Variants in PAWR observed in about 807,000 individuals in gnomAD.
The protein encoded by PAWR is PRKC apoptosis WT1 regulator protein.
Under a neutral mutation model 32.0 loss-of-function variants are expected in PAWR, and 23 were observed. The ratio of observed to expected loss-of-function variants is 0.72; its 90% CI spans 0.52 to 1.02. PAWR has a LOEUF of 1.02. Ranked by LOEUF, PAWR falls within the 50% of genes least tolerant of loss-of-function variation. PAWR has a pLI of 0.00. For synonymous variants in PAWR, 226 were observed against 187.1 expected (o/e 1.21, Z -1.70); for missense variants, 457 against 437.7 (o/e 1.04, Z -0.39).
rs145358994 is a variant in PAWR at position 79,665,679 on chromosome 12, T to C, written c.516+24050A>G. Among the ~76,000 whole-genome samples the C allele has an allele frequency of 4.1e-3, 630 of 152,340 alleles. 12 individuals carry two copies. The highest frequency in any genetic ancestry group is 0.014 in the African/African-American group (594 of 41,586). On this transcript the variant is annotated intron_variant, in intron 2 of 6. Transcript: ENST00000328827. ...ACCTATTACTTACACTACTCTGATA[T>C]ACATCTCCTCTCTCCAGACTTCATT...
intron 2 of PAWR, among the ~76,000 whole-genome samples, chr12:79,628,734 T>C (rs1456887288): frequency 6.6e-6 from 1 of 152,102 alleles, no homozygotes; most frequent in East Asian, 1.9e-4. Flanking sequence ...GGTCAATACA[T>C]GAATAAATAT....
At chr12:79,601,100 A>T (rs1873944315) in intron 4 of PAWR, among the ~76,000 whole-genome samples, 1 of 152,124 alleles carries the variant, frequency 6.6e-6, no homozygotes, top group Non-Finnish European at 1.5e-5. Flanking sequence ...AAAAACCTAT[A>T]AATTGTGGCC....
At chr12:79,616,023 C>T (rs1279789227) in intron 3 of PAWR, among the ~76,000 whole-genome samples, 1 of 147,932 alleles carries the variant, frequency 6.8e-6, no homozygotes, top group Non-Finnish European at 1.5e-5. Flanking sequence ...CACTACTATA[C>T]TCCAGCCTGT....
At chr12:79,622,260 T>C (rs1002114427) in intron 2 of PAWR, among the ~76,000 whole-genome samples, 1 of 152,116 alleles carries the variant, frequency 6.6e-6, no homozygotes, top group Non-Finnish European at 1.5e-5. Context: ...AGGTCTACAA[T>C]GGAGGACATG....
At chr12:79,632,348 T>TACAAA (rs1875732104) in intron 2 of PAWR, among the ~76,000 whole-genome samples, 14 of 67,330 alleles carry the variant, frequency 2.1e-4, no homozygotes, top group Non-Finnish European at 3.0e-4. Context: ...TATATATATA[T>TACAAA]ATATATATAT....
At chr12:79,685,681 G>GT (rs1176913597) in intron 2 of PAWR, among the ~76,000 whole-genome samples, 1 of 152,092 alleles carries the variant, frequency 6.6e-6, no homozygotes, top group African/African-American at 2.4e-5. Flanking sequence ...CACTCTATAG[G>GT]TTAGAGGGTC....
At chr12:79,641,193 A>G (rs1347634071) in intron 2 of PAWR, among the ~76,000 whole-genome samples, 1 of 152,230 alleles carries the variant, frequency 6.6e-6, no homozygotes, top group Non-Finnish European at 1.5e-5. Context: ...AACACTATTC[A>G]TTAACTCAAA....
intron 2 of PAWR, among the ~76,000 whole-genome samples, chr12:79,622,930 A>G (rs567437740): frequency 6.4e-4 from 98 of 152,288 alleles, no homozygotes; most frequent in Admixed American, 2.7e-3. Context: ...AGGACTCGAA[A>G]GGCATAGAGG....
At chr12:79,619,575 T>C (rs749974182) in intron 3 of PAWR, among the ~76,000 whole-genome samples, 2 of 152,184 alleles carry the variant, frequency 1.3e-5, no homozygotes, top group African/African-American at 4.8e-5. Context: ...CAGGCATCCA[T>C]TGGAGGTCTT....
chr12:79,690,470 G>T, intron 1 of PAWR, 79 bp from the exon 2 acceptor site: 1 of 876,428 alleles, frequency 1.1e-6, no homozygotes, highest in Non-Finnish European at 1.5e-6. Flanking sequence ...CCCGGGCTGC[G>T]CCCCTTGGAG....
chr12:79,622,121 T>C (rs562661579), intron 2 of PAWR, among the ~76,000 whole-genome samples: 4 of 151,496 alleles, frequency 2.6e-5, no homozygotes, highest in African/African-American at 7.3e-5. Flanking sequence ...ACAATAGGAA[T>C]TGGACAAAAA....
intron 2 of PAWR, among the ~76,000 whole-genome samples, chr12:79,671,454 T>C (rs1877895782): frequency 1.3e-5 from 2 of 152,200 alleles, no homozygotes; most frequent in Non-Finnish European, 1.5e-5. Context: ...TATATGGCTA[T>C]AGGTTTTTGT....
chr12:79,646,314 T>C (rs534711857), intron 2 of PAWR, among the ~76,000 whole-genome samples: 56 of 152,284 alleles, frequency 3.7e-4, no homozygotes, highest in African/African-American at 1.3e-3. Context: ...GTCAGGCAAC[T>C]ATCCCACACC....
chr12:79,621,652 A>G (rs990917211), intron 2 of PAWR, among the ~76,000 whole-genome samples: 5 of 152,206 alleles, frequency 3.3e-5, no homozygotes, highest in African/African-American at 9.6e-5. Flanking sequence ...CTAGCTTTAT[A>G]TTCTATGAGC....
At chr12:79,613,931 TTATATATATATATATATATATATATA>T (rs71445219) in intron 3 of PAWR, among the ~76,000 whole-genome samples, 2,240 of 46,756 alleles carry the variant, frequency 0.048, 107 homozygotes, top group African/African-American at 0.064. Flanking sequence ...AGTACCACCA[TTATATATATATATATATATATATATA>T]TATATATATA....
In PAWR at chr12:79,591,483, C is replaced by G. The variant is rs1459136938; in HGVS notation, c.*1124G>C. 6.6e-6 allele frequency: 1 copy of G among 151,970 alleles called. No individual in the cohort carries two copies. The highest frequency in any genetic ancestry group is 1.5e-5 in the Non-Finnish European group (1 of 67,990). 9.4% of individuals were successfully genotyped at this position (151,970 alleles called of 1,614,324 possible). A position where few individuals can be genotyped will look rare whatever the true frequency, so the allele number is the denominator to read the frequency against. On this transcript the variant is annotated 3_prime_UTR_variant, in exon 7 of 7. Coordinates refer to ENST00000328827, the MANE Select transcript of PAWR (RefSeq NM_002583.4). ...TTTTAAGGGAAGACGGGGTTCTTAA[C>G]ATGAATATGTAATACAAAAACAATT...
intron 3 of PAWR, among the ~76,000 whole-genome samples, chr12:79,618,893 C>G (rs987902017): frequency 2.0e-5 from 3 of 151,822 alleles, no homozygotes; most frequent in Non-Finnish European, 4.4e-5. Flanking sequence ...ATTACTACTC[C>G]ATACTAAATA....
chr12:79,645,890 A>G (rs1033183778), intron 2 of PAWR, among the ~76,000 whole-genome samples: 3 of 152,222 alleles, frequency 2.0e-5, no homozygotes, highest in Non-Finnish European at 4.4e-5. Context: ...GATAATGCCC[A>G]GGATTCACAA....
At chr12:79,644,535 C>T (rs975889710) in intron 2 of PAWR, among the ~76,000 whole-genome samples, 7 of 152,046 alleles carry the variant, frequency 4.6e-5, no homozygotes, top group African/African-American at 7.2e-5. Flanking sequence ...TTTCCTATTC[C>T]CTTTATCAAA....
Sources: gnomAD v4.1 joint callset for allele counts (sites outside exome capture counted in the v4.1 genomes callset) on GRCh38, gnomAD v4.1.1 for gene constraint, MANE v1.5 for transcripts, NCBI Gene and HGNC (gene_info 2026-07-23, HGNC 2026-07-21) for gene names.